The following CTIF variants were observed in gnomAD, a reference collection of about 807,000 sequenced individuals.
CTIF encodes cap binding complex dependent translation initiation factor, also known as CBP80/20-dependent translation initiation factor.
CTIF carries 21 observed loss-of-function variants against 66.0 expected under a neutral mutation model. That is an observed-to-expected ratio of 0.32 (90% CI 0.23 to 0.46). The LOEUF is 0.46. Among genes scored for constraint, CTIF ranks in the 20% least tolerant of loss-of-function variants. The pLI is 1.00. For missense variants in CTIF, 739 were observed against 812.7 expected, an observed-to-expected ratio of 0.91 and a Z score of 1.10; for synonymous variants, 345 against 326.4, an observed-to-expected ratio of 1.06 and a Z score of -0.62.
chr18:48,857,678 C>G (rs1196523504), intron 11 of CTIF, 37 bp downstream of exon 11: 22 of 1,581,482 alleles, frequency 1.4e-5, no homozygotes, highest in Non-Finnish European at 1.9e-5. Flanking sequence ...AACCTCAAAG[C>G]CGGTGCATCT....
intron 1 of CTIF, among the ~76,000 whole-genome samples, chr18:48,546,621 GC>G (rs2088757225): frequency 6.6e-6 from 1 of 152,150 alleles, no homozygotes; most frequent in African/African-American, 2.4e-5. Flanking sequence ...GCTCGTCTAG[GC>G]CTGGGGGTTG....
At chr18:48,800,594 G>T (rs1219879772) in intron 9 of CTIF, among the ~76,000 whole-genome samples, 1 of 152,224 alleles carries the variant, frequency 6.6e-6, no homozygotes, top group Non-Finnish European at 1.5e-5. Flanking sequence ...ACCTGGCATG[G>T]ATAACCCCCC....
chr18:48,744,957 G>A (rs1288660427), intron 7 of CTIF, among the ~76,000 whole-genome samples: 1 of 152,000 alleles, frequency 6.6e-6, no homozygotes, highest in Non-Finnish European at 1.5e-5. Flanking sequence ...CCAGCAGCTG[G>A]GACTATAGGT....
chr18:48,712,987 C>T (rs539293977), intron 7 of CTIF, among the ~76,000 whole-genome samples: 57 of 152,350 alleles, frequency 3.7e-4, no homozygotes, highest in African/African-American at 6.3e-4. Flanking sequence ...TCTGTAGAAG[C>T]ACCAGGCATC....
At chr18:48,689,299 G>C (rs2091891064) in intron 6 of CTIF, among the ~76,000 whole-genome samples, 3 of 152,212 alleles carry the variant, frequency 2.0e-5, no homozygotes, top group African/African-American at 7.2e-5. Context: ...CACAGCCTCT[G>C]TCTGATATTG....
At chr18:48,836,251 C>T (rs1238406305) in intron 10 of CTIF, among the ~76,000 whole-genome samples, 1 of 152,202 alleles carries the variant, frequency 6.6e-6, no homozygotes, top group Non-Finnish European at 1.5e-5. Flanking sequence ...CTGGAGCTGA[C>T]GTGGTCCCAT....
chr18:48,594,736 T>A (rs2144035443), intron 1 of CTIF, among the ~76,000 whole-genome samples: 1 of 152,288 alleles, frequency 6.6e-6, no homozygotes, highest in East Asian at 1.9e-4. Context: ...GCTGGCCCAA[T>A]CTGAGCTCCC....
intron 10 of CTIF, among the ~76,000 whole-genome samples, chr18:48,834,058 C>T (rs1337991624): frequency 6.7e-6 from 1 of 150,232 alleles, no homozygotes; most frequent in Non-Finnish European, 1.5e-5. Flanking sequence ...CTCCCGTTCT[C>T]TTCCTTTCCC....
At chr18:48,850,749 G>C (rs1244596117) in intron 10 of CTIF, among the ~76,000 whole-genome samples, 1 of 152,200 alleles carries the variant, frequency 6.6e-6, no homozygotes, top group African/African-American at 2.4e-5. Flanking sequence ...TTCTGACACA[G>C]AGCAGCAGGT....
chr18:48,759,122 G>A (rs1198089035), intron 8 of CTIF, among the ~76,000 whole-genome samples: 1 of 152,160 alleles, frequency 6.6e-6, no homozygotes, highest in Non-Finnish European at 1.5e-5. Flanking sequence ...TCCAGAAGAG[G>A]GATGGGGATT....
Position 48,859,638 on chromosome 18 carries a change from G to A in CTIF, c.*79G>A. 1.4e-6 allele frequency: 2 copies of A among 1,394,454 alleles called. No homozygotes were observed. The highest frequency in any genetic ancestry group is 1.2e-5 in the South Asian group (1 of 86,368). 86.4% of individuals were successfully genotyped at this position (1,394,454 alleles called of 1,614,324 possible). A position where few individuals can be genotyped will look rare whatever the true frequency, so the allele number is the denominator to read the frequency against. On this transcript the variant is annotated 3_prime_UTR_variant, in exon 12 of 12. Transcript: ENST00000256413. ...GGCCAGATGGACAGGCGGGAGGACAGGGGTGGCCCTGGCGGGAGAAAGAAA... is the reference window on the plus strand; with the variant it reads ...GGCCAGATGGACAGGCGGGAGGACAAGGGTGGCCCTGGCGGGAGAAAGAAA...
intron 10 of CTIF, among the ~76,000 whole-genome samples, chr18:48,843,780 T>C (rs1212632686): frequency 6.6e-6 from 1 of 152,134 alleles, no homozygotes. Context: ...GCAAACGAGA[T>C]GTGCCATCAC....
At position 48,638,899 on chromosome 18, in the gene CTIF, G is replaced by A. The variant is rs561470508; in HGVS notation, c.252+2214G>A. ...AGAACCCCACCTAATCACCTGACAT[G>A]CCCAGAGGCAAGGTTTTGTGGGAGG... On this transcript the variant is annotated intron_variant, in intron 3 of 11. Coordinates refer to ENST00000256413, the MANE Select transcript of CTIF (RefSeq NM_014772.3). Among the ~76,000 whole-genome samples the A allele has an allele frequency of 7.2e-5, 11 of 152,370 alleles. No individual in the cohort carries two copies. The East Asian group carries it at 1.9e-3, about 27-fold the overall frequency.
chr18:48,546,652 C>G (rs1415835244), intron 1 of CTIF, among the ~76,000 whole-genome samples: 2 of 152,150 alleles, frequency 1.3e-5, no homozygotes, highest in East Asian at 3.9e-4. Context: ...TTGAGGGGTG[C>G]TTCCTGGCCT....
intron 1 of CTIF, among the ~76,000 whole-genome samples, chr18:48,611,479 C>T (rs996853060): frequency 6.6e-5 from 10 of 152,264 alleles, no homozygotes; most frequent in Admixed American, 6.5e-4. Flanking sequence ...GGACTCCACC[C>T]ATTTCTAGCC....
chr18:48,633,100 G>A (rs900825732), intron 2 of CTIF, among the ~76,000 whole-genome samples: 4 of 151,274 alleles, frequency 2.6e-5, no homozygotes, highest in Non-Finnish European at 4.4e-5. Flanking sequence ...GTGAGTCACC[G>A]TGCCGTGGAA....
At chr18:48,734,123 G>A (rs1181715569) in intron 7 of CTIF, among the ~76,000 whole-genome samples, 1 of 152,222 alleles carries the variant, frequency 6.6e-6, no homozygotes, top group East Asian at 1.9e-4. Flanking sequence ...GGAACTTCCT[G>A]TAGGGGAAGA....
intron 10 of CTIF, among the ~76,000 whole-genome samples, chr18:48,823,646 G>A (rs2146380361): frequency 6.6e-6 from 1 of 152,164 alleles, no homozygotes; most frequent in Admixed American, 6.5e-5. Context: ...TGGCTATTTG[G>A]GCTCTTTTAT....
At chr18:48,663,570 G>T (rs2091382243) in intron 3 of CTIF, among the ~76,000 whole-genome samples, 182 bp from the exon 4 acceptor site, 1 of 152,054 alleles carries the variant, frequency 6.6e-6, no homozygotes, top group Non-Finnish European at 1.5e-5. Flanking sequence ...TGAAACGAGG[G>T]CCTATGCCTG....
Sources: gnomAD v4.1 joint callset for allele counts (sites outside exome capture counted in the v4.1 genomes callset) on GRCh38, gnomAD v4.1.1 for gene constraint, MANE v1.5 for transcripts, NCBI Gene and HGNC (gene_info 2026-07-23, HGNC 2026-07-21) for gene names.